Variants in SLC5A12 observed in about 807,000 individuals in gnomAD.
SLC5A12 encodes the protein sodium-coupled monocarboxylate transporter 2.
SLC5A12 carries 46 observed loss-of-function variants against 72.7 expected under a neutral mutation model. The ratio of observed to expected loss-of-function variants is 0.63; its 90% confidence interval spans 0.50 to 0.81. The LOEUF is 0.81. SLC5A12 is among the 30% of genes least tolerant of loss of function. SLC5A12 has a pLI of 0.00. For synonymous variants in SLC5A12, 275 were observed against 264.4 expected, an observed-to-expected ratio of 1.04 and a Z score of -0.39; for missense variants, 683 against 740.7, an observed-to-expected ratio of 0.92 and a Z score of 0.90.
intron 10 of SLC5A12, 28 bp from the exon 11 acceptor site, chr11:26,683,871 T>A: frequency 6.4e-7 from 1 of 1,557,742 alleles, no homozygotes; most frequent in East Asian, 2.3e-5. Context: ...ACCAGATGAA[T>A]CCCCTACTCA....
At chr11:26,720,324 C>CATAATTAAATAA (rs1855448656) in intron 1 of SLC5A12, among the ~76,000 whole-genome samples, 1 of 145,086 alleles carries the variant, frequency 6.9e-6, no homozygotes, top group Non-Finnish European at 1.5e-5. Flanking sequence ...AGCCCCATCT[C>CATAATTAAATAA]ATAAATAAAT....
chr11:26,671,200 G>T lies in SLC5A12; in HGVS notation c.1759C>A (p.Gln587Lys). 6.2e-7 allele frequency: 1 copy of T among 1,610,420 alleles called. No individual in the cohort carries two copies. The highest frequency in any genetic ancestry group is 8.5e-7 in the Non-Finnish European group (1 of 1,178,246). ...ARKQGAESVL[Q>K]NGLRRESLVH... ...AGGCTTTCTCTTCTGAGTCCGTTCTGTAAGACAGATTCAGCCCCCTGTTTC... is the reference window on the plus strand; with the variant it reads ...AGGCTTTCTCTTCTGAGTCCGTTCTTTAAGACAGATTCAGCCCCCTGTTTC... The change falls in exon 15 of 15, where the codon CAG becomes AAG. Residue 587 changes from glutamine to lysine, a missense_variant. Gln to Lys is a moderately conservative substitution (Grantham distance 53). Coordinates refer to ENST00000396005, the MANE Select transcript of SLC5A12 (RefSeq NM_178498.4).
rs915846961 is a variant in SLC5A12 at position 26,667,222 on chromosome 11, A to T, written c.*3880T>A. 6.6e-5 allele frequency: 10 copies of T among 151,968 alleles called. No homozygotes were observed. Among genetic ancestry groups the T allele is most frequent in the African/African-American group, 2.4e-4 (10 of 41,446 alleles). 9.4% of individuals were successfully genotyped at this position (151,968 alleles called of 1,614,324 possible). ...GATTAAGTACATGAGACTTGTAAAT[A>T]TACAAATGTGCATGTACATACAGCT... On this transcript the variant is annotated 3_prime_UTR_variant, in exon 15 of 15. Transcript: ENST00000396005.
chr11:26,671,338 T>A, intron 14 of SLC5A12, 87 bp from the exon 15 acceptor site: 35 of 1,159,978 alleles, frequency 3.0e-5, no homozygotes, highest in East Asian at 8.0e-5. Context: ...GGCCTTGGCT[T>A]CAAAAAATTA....
rs758758718 is a variant in SLC5A12, at chr11:26,692,535, A to G, written c.1107T>C (p.Phe369=). The G allele has an allele frequency of 3.1e-6, 5 of 1,614,094 alleles. No homozygotes were observed. Among genetic ancestry groups the G allele is most frequent in the Non-Finnish European group, 4.2e-6 (5 of 1,179,928 alleles). Residue 369 remains phenylalanine, a synonymous_variant, in exon 9 of 15, where the codon TTT becomes TTC. Coordinates refer to ENST00000396005, the MANE Select transcript of SLC5A12 (RefSeq NM_178498.4). ...VTFEDFVKSC[F]PHLSDKLSTW... Reference sequence around the variant, plus strand: ...TGCTCAGCTTGTCGGAGAGATGAGGAAAACAGCTCTTGACAAAATCCTCAA... The same window carrying G: ...TGCTCAGCTTGTCGGAGAGATGAGGGAAACAGCTCTTGACAAAATCCTCAA...
At chr11:26,701,483 AAT>A (rs1333500331) in intron 6 of SLC5A12, among the ~76,000 whole-genome samples, 1 of 152,122 alleles carries the variant, frequency 6.6e-6, no homozygotes, top group African/African-American at 2.4e-5. Flanking sequence ...ATACTCACTA[AAT>A]ACTAGTACAA....
intron 7 of SLC5A12, among the ~76,000 whole-genome samples, chr11:26,697,507 AGATATGAT>A (rs537152432): frequency 1.1e-3 from 166 of 152,266 alleles, no homozygotes; most frequent in Admixed American, 3.1e-3. Flanking sequence ...CAGGGAATCT[AGATATGAT>A]GCACTACTCT....
Position 26,711,323 on chromosome 11 carries a change from G to A in SLC5A12, c.441C>T (p.Ala147=). The A allele has an allele frequency of 6.2e-7, 1 of 1,611,886 alleles. No individual in the cohort carries two copies. The highest frequency in any genetic ancestry group is 8.5e-7 in the Non-Finnish European group (1 of 1,178,618). Reference sequence around the variant, plus strand: ...ATAACTCACCTTGATTGAGTGCCAGGGCAGGAGCATACACCACCACTCCTG... The same window carrying A: ...ATAACTCACCTTGATTGAGTGCCAGAGCAGGAGCATACACCACCACTCCTG... The part of the protein sequence containing the change: ...LYTGVVVYAP[A]LALNQVTGFD... The change falls in exon 3 of 15, where the codon GCC becomes GCT. Residue 147 remains alanine, a synonymous_variant. Transcript: ENST00000396005.
Position 26,670,828 on chromosome 11 carries a change from T to G in SLC5A12, c.*274A>C, listed in dbSNP as rs887184083. Reference sequence around the variant, plus strand: ...AAGACTTCGCTTTCTTGAATGGTAATGAAATCCAGCCCTAATTTATTCAAG... The same window carrying G: ...AAGACTTCGCTTTCTTGAATGGTAAGGAAATCCAGCCCTAATTTATTCAAG... On this transcript the variant is annotated 3_prime_UTR_variant, in exon 15 of 15. Coordinates refer to ENST00000396005, the MANE Select transcript of SLC5A12 (RefSeq NM_178498.4). 7.0e-6 allele frequency: 2 copies of G among 286,474 alleles called. No homozygotes were observed. Among genetic ancestry groups the G allele is most frequent in the Non-Finnish European group, 1.3e-5 (2 of 156,100 alleles). The allele number at this position is 286,474 out of a possible 1,614,324, so 17.7% of individuals were successfully genotyped here.
chr11:26,703,436 ACACACACACACC>A, intron 6 of SLC5A12, 83 bp downstream of exon 6: 2 of 1,329,966 alleles, frequency 1.5e-6, no homozygotes, highest in Admixed American at 1.9e-5. Context: ...ACACACACAC[ACACACACACACC>A]CCCCAAGAGG....
intron 4 of SLC5A12, among the ~76,000 whole-genome samples, chr11:26,707,514 CT>C (rs1855118326): frequency 6.6e-6 from 1 of 151,816 alleles, no homozygotes; most frequent in Non-Finnish European, 1.5e-5. Flanking sequence ...ATCTTCTTGT[CT>C]CTCTGTTATT....
rs1292837919 is a variant in SLC5A12 at position 26,721,800 on chromosome 11, G to A, written c.-86C>T. The stretch of plus-strand genomic sequence containing the variant: ...AAAAGCAAAGTTCAGTACAGTGGAT[G>A]CTTTGCTGAGAGGAGAGACTGTGAT... On this transcript the variant is annotated 5_prime_UTR_variant, in exon 1 of 15. Transcript: ENST00000396005. 2 of 1,166,200 alleles carry A rather than the reference G, an allele frequency of 1.7e-6. No individual in the cohort carries two copies. The highest frequency in any genetic ancestry group is 2.5e-6 in the Non-Finnish European group (2 of 812,920). 72.2% of individuals were successfully genotyped at this position (1,166,200 alleles called of 1,614,324 possible). A position where few individuals can be genotyped will look rare whatever the true frequency, so the allele number is the denominator to read the frequency against.
At chr11:26,692,387 T>G in intron 9 of SLC5A12, 102 bp downstream of exon 9, 1 of 763,462 alleles carries the variant, frequency 1.3e-6, no homozygotes, top group Non-Finnish European at 2.3e-6. Flanking sequence ...TCACAGTGCA[T>G]TTGTGTTTAT....
chr11:26,681,024 G>C, intron 12 of SLC5A12, 31 bp downstream of exon 12: 1 of 1,530,964 alleles, frequency 6.5e-7, no homozygotes, highest in Non-Finnish European at 8.8e-7. Context: ...CCACTCTCTG[G>C]GACTTAGCAC....
At chr11:26,688,639 G>C (rs988843527) in intron 9 of SLC5A12, among the ~76,000 whole-genome samples, 4 of 152,138 alleles carry the variant, frequency 2.6e-5, no homozygotes. Context: ...GAAAAAAATA[G>C]TTTAAAACTT....
intron 8 of SLC5A12, among the ~76,000 whole-genome samples, chr11:26,695,930 A>T (rs1854800004): frequency 6.6e-6 from 1 of 152,062 alleles, no homozygotes; most frequent in African/African-American, 2.4e-5. Context: ...GCAGGGCTTT[A>T]GTATTTGCTT....
intron 11 of SLC5A12, among the ~76,000 whole-genome samples, chr11:26,683,161 T>C (rs551087036): frequency 6.6e-6 from 1 of 152,304 alleles, no homozygotes; most frequent in East Asian, 1.9e-4. Flanking sequence ...ATAAATGTTT[T>C]AAAAATATTG....
chr11:26,686,351 A>G, intron 10 of SLC5A12, 126 bp downstream of exon 10: 1 of 730,142 alleles, frequency 1.4e-6, no homozygotes, highest in Non-Finnish European at 2.3e-6. Flanking sequence ...TTTTACATTT[A>G]TTTTTAATTT....
At chr11:26,721,327 CA>C in intron 1 of SLC5A12, 48 bp downstream of exon 1, 1 of 1,421,012 alleles carries the variant, frequency 7.0e-7, no homozygotes, top group Non-Finnish European at 9.6e-7. Context: ...GTGCTATCAT[CA>C]AGAGGATGAG....
Sources: gnomAD v4.1 joint callset for allele counts (sites outside exome capture counted in the v4.1 genomes callset) on GRCh38, gnomAD v4.1.1 for gene constraint, MANE v1.5 for transcripts, NCBI Gene and HGNC (gene_info 2026-07-23, HGNC 2026-07-21) for gene names.